ITFG2: variants seen among roughly 807,000 people sequenced by gnomAD.
The protein encoded by ITFG2 is integrin alpha FG-GAP repeat containing 2, also known as KICSTOR complex protein ITFG2.
In ITFG2, 36 loss-of-function variants were observed where a neutral mutation model predicts 54.4. The ratio of observed to expected loss-of-function variants is 0.66; its 90% confidence interval spans 0.51 to 0.87. The LOEUF is 0.87. Among genes scored for constraint, ITFG2 ranks in the 40% least tolerant of loss-of-function variants. The pLI is 0.00. For synonymous variants in ITFG2, 211 were observed against 225.4 expected, an observed-to-expected ratio of 0.94 and a Z score of 0.57; for missense variants, 524 against 576.7, an observed-to-expected ratio of 0.91 and a Z score of 0.94.
intron 2 of ITFG2, among the ~76,000 whole-genome samples, chr12:2,851,495 A>G (rs562407294): frequency 6.6e-6 from 1 of 151,972 alleles, no homozygotes; most frequent in East Asian, 2.0e-4. Flanking sequence ...GGGCCCCGCC[A>G]CCATGCCCGG....
At chr12:2,859,538 G>C in exon 4 of ITFG2, 1 of 1,614,048 alleles carries the variant, frequency 6.2e-7, no homozygotes, top group Non-Finnish European at 8.5e-7. Context: ...CCCCAGGCTG[G>C]ATTTCTTCCT....
At chr12:2,816,031 A>ATTT (rs35664869) in intron 1 of ITFG2, among the ~76,000 whole-genome samples, 8 of 133,254 alleles carry the variant, frequency 6.0e-5, no homozygotes, top group Non-Finnish European at 8.0e-5. Context: ...CACCTGGATA[A>ATTT]TTTTTTTTTT....
At chr12:2,858,888 G>A (rs753064494) in intron 3 of ITFG2, 3 of 1,614,038 alleles carry the variant, frequency 1.9e-6, no homozygotes, top group East Asian at 2.2e-5. Context: ...GAGGTCTAAG[G>A]GTTCTGAACT....
intron 1 of ITFG2, among the ~76,000 whole-genome samples, chr12:2,840,148 G>C (rs1259219320): frequency 6.6e-6 from 1 of 151,926 alleles, no homozygotes; most frequent in African/African-American, 2.4e-5. Flanking sequence ...TCATGAGTAG[G>C]AAGGTTCAAT....
At chr12:2,818,590 G>A (rs1172328830) in intron 4 of ITFG2, 2 of 420,082 alleles carry the variant, frequency 4.8e-6, no homozygotes, top group Admixed American at 7.1e-5. Context: ...TTGAGGCCAG[G>A]AGTTCCAGGC....
At chr12:2,834,001 C>T (rs2098015896), upstream of ITFG2, among the ~76,000 whole-genome samples, 2 of 152,186 alleles carry the variant, frequency 1.3e-5, no homozygotes, top group African/African-American at 4.8e-5. Context: ...TTTTCCGCCG[C>T]CCACTCACAT....
At chr12:2,816,048 T>C (rs1462831503) in intron 1 of ITFG2, among the ~76,000 whole-genome samples, 3 of 151,308 alleles carry the variant, frequency 2.0e-5, no homozygotes, top group African/African-American at 7.3e-5. Flanking sequence ...TTTTTTTTTT[T>C]TGAGACAGAG....
intron 2 of ITFG2, among the ~76,000 whole-genome samples, chr12:2,856,742 T>C (rs952406829): frequency 2.6e-5 from 4 of 152,096 alleles, no homozygotes; most frequent in African/African-American, 9.7e-5. Flanking sequence ...ATCACCCCAG[T>C]GGGTGGGGCT....
At chr12:2,840,441 G>A (rs1388062883) in intron 1 of ITFG2, among the ~76,000 whole-genome samples, 1 of 147,216 alleles carries the variant, frequency 6.8e-6, no homozygotes, top group Non-Finnish European at 1.5e-5. Flanking sequence ...GGGAGACAGA[G>A]CGAGACTCTG....
rs1191920688 is a variant in ITFG2, at chr12:2,823,867, G to A, written c.1164G>A (p.Arg388=). 1.2e-6 allele frequency: 2 copies of A among 1,613,594 alleles called. No individual in the cohort carries two copies. Among genetic ancestry groups the A allele is most frequent in the Non-Finnish European group, 1.7e-6 (2 of 1,179,688 alleles). Residue 388 remains arginine, a synonymous_variant, in exon 11 of 12, where the codon CGG becomes CGA. Transcript: ENST00000228799. The stretch of plus-strand genomic sequence containing the variant: ...TGTACTGGGAGGTGCAGCTGGAGCG[G>A]ATGGAGTCTACCAATCTGGTGAAAC... ...IYVYWEVQLE[R]MESTNLVKLL... is the part of the protein sequence containing the mutation.
chr12:2,854,316 C>G, intron 2 of ITFG2, among the ~76,000 whole-genome samples: 1 of 152,346 alleles, frequency 6.6e-6, no homozygotes, highest in Middle Eastern at 3.4e-3. Flanking sequence ...TGAGCCACCA[C>G]GCCCTGCCAT....
chr12:2,843,051 A>T lies in ITFG2; in HGVS notation n.300+2056A>T, dbSNP rs202064416. ...CCAATTCTTGTCTCTGCTGGTGGGG[A>T]TGGAGAGGAGAGCTCCTCTGGCCCA... On this transcript the variant is annotated intron_variant and non_coding_transcript_variant, in intron 2 of 3. Transcript: ENST00000537710. Among the ~76,000 whole-genome samples, 12 of 152,078 alleles carry T rather than the reference A, an allele frequency of 7.9e-5. No individual in the cohort carries two copies. The East Asian group carries it at 1.9e-3, about 25-fold the overall frequency.
At chr12:2,849,606 G>A (rs1197273604) in intron 2 of ITFG2, 1 of 1,460,640 alleles carries the variant, frequency 6.8e-7, no homozygotes, top group East Asian at 2.5e-5. Flanking sequence ...AAGGGGAAGG[G>A]TGATGCCGCT....
chr12:2,817,816 A>G (rs1042772500), intron 2 of ITFG2, 93 bp from the exon 3 acceptor site: 1 of 1,221,748 alleles, frequency 8.2e-7, no homozygotes, highest in Non-Finnish European at 1.2e-6. Context: ...AGCGATGGTG[A>G]TTAGAAAACC....
At chr12:2,856,411 C>T (rs1200430759) in intron 2 of ITFG2, among the ~76,000 whole-genome samples, 1 of 152,200 alleles carries the variant, frequency 6.6e-6, no homozygotes, top group African/African-American at 2.4e-5. Context: ...GTTACCCAGG[C>T]TGGAGGTGCA....
chr12:2,830,759 G>C (rs777898082), intron 2 of ITFG2: 1 of 1,613,910 alleles, frequency 6.2e-7, no homozygotes, highest in East Asian at 2.2e-5. Context: ...TCTTCCTCCT[G>C]CTCTCCTGGC....
rs2153925017 is a variant in ITFG2, at chr12:2,823,662, C to G, written c.1067-108C>G. 9 of 1,331,674 alleles carry G rather than the reference C, an allele frequency of 6.8e-6. 1 individual carries two copies. The South Asian group carries it at 1.5e-4, about 22-fold the overall frequency. The allele number at this position is 1,331,674 out of a possible 1,614,324, so 82.5% of individuals were successfully genotyped here. On this transcript the variant is annotated intron_variant, in intron 10 of 11. Transcript: ENST00000228799. ...TAACCTTTAATTTTTTTCCTGACAT[C>G]AGTGGGAGGATGGAAAGTGCTGACT...
At chr12:2,856,957 G>A (rs771773209) in intron 2 of ITFG2, 3 of 703,030 alleles carry the variant, frequency 4.3e-6, no homozygotes, top group Non-Finnish European at 7.8e-6. Context: ...CCCCCTACCT[G>A]CAGGAAAGGT....
chr12:2,844,956 G>A (rs567772861), intron 2 of ITFG2, among the ~76,000 whole-genome samples: 54 of 152,350 alleles, frequency 3.5e-4, no homozygotes, highest in African/African-American at 1.0e-3. Context: ...GCGTGGAGGC[G>A]TTCGTGAGGC....
Sources: gnomAD v4.1 joint callset for allele counts (sites outside exome capture counted in the v4.1 genomes callset) on GRCh38, gnomAD v4.1.1 for gene constraint, MANE v1.5 for transcripts, NCBI Gene and HGNC (gene_info 2026-07-23, HGNC 2026-07-21) for gene names.